Variants in FHL2 observed in about 807,000 individuals in gnomAD.
The protein encoded by FHL2 is four and a half LIM domains protein 2.
In FHL2, 20 loss-of-function variants were observed where a neutral mutation model predicts 32.7. The ratio of observed to expected loss-of-function variants is 0.61; its 90% CI spans 0.43 to 0.89. The LOEUF is 0.89. Ranked by LOEUF, FHL2 falls within the 40% of genes least tolerant of loss-of-function variation. The pLI, the probability that FHL2 is intolerant of heterozygous loss-of-function variation, is 0.00. For missense variants in FHL2, 311 were observed against 358.6 expected (o/e 0.87, Z 1.07); for synonymous variants, 123 against 128.1 (o/e 0.96, Z 0.27).
At chr2:105,392,747 A>G (rs1166057855) in intron 2 of FHL2, among the ~76,000 whole-genome samples, 3 of 151,944 alleles carry the variant, frequency 2.0e-5, no homozygotes, top group Non-Finnish European at 4.4e-5. Flanking sequence ...ACAGGACAAA[A>G]AAAGGAAGGA....
intron 1 of FHL2, among the ~76,000 whole-genome samples, chr2:105,414,670 C>T (rs994896786): frequency 5.3e-5 from 8 of 152,098 alleles, no homozygotes; most frequent in African/African-American, 1.2e-4. Context: ...CTCCTGCCTC[C>T]GCCTCTAGAG....
intron 3 of FHL2, among the ~76,000 whole-genome samples, chr2:105,383,979 A>AT (rs1400188858): frequency 6.6e-6 from 1 of 152,214 alleles, no homozygotes; most frequent in African/African-American, 2.4e-5. Context: ...AGCCTTGATG[A>AT]TTTTGGCTCC....
At chr2:105,374,227 C>T (rs1681303310) in intron 3 of FHL2, 1 of 192,276 alleles carries the variant, frequency 5.2e-6, no homozygotes, top group Non-Finnish European at 1.1e-5. Flanking sequence ...GGGAGACGGT[C>T]AGGAGAGACT....
intron 1 of FHL2, among the ~76,000 whole-genome samples, chr2:105,406,565 A>G (rs1264723633): frequency 6.6e-6 from 1 of 151,472 alleles, no homozygotes; most frequent in Non-Finnish European, 1.5e-5. Context: ...TTCTGGACTC[A>G]GTTCTCTGTC....
At chr2:105,414,807 C>G (rs1175749028) in intron 1 of FHL2, among the ~76,000 whole-genome samples, 1 of 152,186 alleles carries the variant, frequency 6.6e-6, no homozygotes, top group Non-Finnish European at 1.5e-5. Context: ...CCCACCTTGG[C>G]CTCTCAAAGT....
intron 2 of FHL2, among the ~76,000 whole-genome samples, chr2:105,390,599 C>A (rs1317039012): frequency 6.6e-6 from 1 of 152,190 alleles, no homozygotes; most frequent in East Asian, 1.9e-4. Flanking sequence ...TGAGCAACTG[C>A]TGCTACCTAG....
intron 1 of FHL2, chr2:105,396,955 T>C: frequency 2.2e-6 from 1 of 447,622 alleles, no homozygotes; most frequent in Non-Finnish European, 3.9e-6. Flanking sequence ...TCACTGAGGC[T>C]GAGTAACTGG....
At chr2:105,378,670 T>G (rs1344018876) in intron 3 of FHL2, 2 of 155,670 alleles carry the variant, frequency 1.3e-5, no homozygotes, top group Admixed American at 1.3e-4. Context: ...AACGTTTCTC[T>G]CAGCCTACCT....
upstream of FHL2, among the ~76,000 whole-genome samples, chr2:105,403,179 A>G (rs1683525841): frequency 6.6e-6 from 1 of 152,228 alleles, no homozygotes; most frequent in Non-Finnish European, 1.5e-5. Context: ...TGTTTTATTC[A>G]ATGGCAAAGG....
intron 1 of FHL2, among the ~76,000 whole-genome samples, chr2:105,407,402 A>G (rs1423309747): frequency 2.6e-5 from 4 of 151,898 alleles, no homozygotes; most frequent in African/African-American, 9.7e-5. Context: ...AAAAAAAAAA[A>G]AAAAAAAGAA....
intron 1 of FHL2, among the ~76,000 whole-genome samples, chr2:105,415,446 G>A (rs999294777): frequency 2.6e-5 from 4 of 152,300 alleles, no homozygotes; most frequent in South Asian, 2.1e-4. Context: ...ATTTTGCACC[G>A]TGTGCATTGA....
intron 1 of FHL2, among the ~76,000 whole-genome samples, chr2:105,425,303 G>T (rs200887126): frequency 6.7e-6 from 1 of 149,714 alleles, no homozygotes; most frequent in Non-Finnish European, 1.5e-5. Flanking sequence ...ACTTGGTAAA[G>T]GTCATTGCCA....
intron 5 of FHL2, among the ~76,000 whole-genome samples, chr2:105,366,785 G>T (rs553353839): frequency 6.6e-6 from 1 of 152,064 alleles, no homozygotes; most frequent in African/African-American, 2.4e-5. Flanking sequence ...TCGCTCAGTC[G>T]CCCAGGCTGG....
chr2:105,432,669 C>T (rs1287850115), intron 1 of FHL2, among the ~76,000 whole-genome samples: 1 of 151,570 alleles, frequency 6.6e-6, no homozygotes, highest in Non-Finnish European at 1.5e-5. Flanking sequence ...CAGAGGCACA[C>T]ACAGACACAC....
At chr2:105,397,349 A>G (rs1323366125) in intron 1 of FHL2, among the ~76,000 whole-genome samples, 1 of 152,134 alleles carries the variant, frequency 6.6e-6, no homozygotes, top group Non-Finnish European at 1.5e-5. Flanking sequence ...ATATGTATAC[A>G]CTGTCTATGA....
chr2:105,419,391 A>G (rs754575084), intron 1 of FHL2, among the ~76,000 whole-genome samples: 5 of 152,128 alleles, frequency 3.3e-5, no homozygotes, highest in African/African-American at 4.8e-5. Context: ...CCCAAAGTCT[A>G]TTGCATCATT....
intron 2 of FHL2, among the ~76,000 whole-genome samples, chr2:105,388,399 GA>G (rs1682477252): frequency 6.6e-6 from 1 of 152,138 alleles, no homozygotes; most frequent in African/African-American, 2.4e-5. Flanking sequence ...ATCCTGGAGA[GA>G]AAAAGCCTAC....
intron 3 of FHL2, chr2:105,373,961 T>G: frequency 1.8e-6 from 1 of 567,886 alleles, no homozygotes; most frequent in Non-Finnish European, 3.2e-6. Flanking sequence ...CAGATGTGCA[T>G]GTATGCACAT....
chr2:105,436,040 C>A (rs1684599349), intron 1 of FHL2, among the ~76,000 whole-genome samples: 1 of 151,976 alleles, frequency 6.6e-6, no homozygotes, highest in African/African-American at 2.4e-5. Flanking sequence ...ATTTTTATTC[C>A]TCTTTTCTCC....
Sources: gnomAD v4.1 joint callset for allele counts (sites outside exome capture counted in the v4.1 genomes callset) on GRCh38, gnomAD v4.1.1 for gene constraint, MANE v1.5 for transcripts, NCBI Gene and HGNC (gene_info 2026-07-23, HGNC 2026-07-21) for gene names.